The following PHF13 variants were observed in gnomAD, a reference collection of about 807,000 sequenced individuals.
PHF13 encodes PHD zinc finger protein PHF5.
A neutral mutation model predicts 25.8 loss-of-function variants in PHF13; 1 was observed. The ratio of observed to expected loss-of-function variants is 0.04; its 90% CI spans 0.01 to 0.18. The LOEUF (loss-of-function observed/expected upper bound fraction) is 0.18. PHF13 is among the 10% of genes least tolerant of loss of function. The probability of loss-of-function intolerance (pLI) is 1.00; values close to 1 mark genes in which losing one functional copy is unlikely to be tolerated. For synonymous variants in PHF13, 195 were observed against 162.4 expected (o/e 1.20, Z -1.53); for missense variants, 306 against 403.2 (o/e 0.76, Z 2.06).
chr1:6,620,444 A>G (rs1641321815), intron 3 of PHF13, 107 bp downstream of exon 3: 8 of 1,246,790 alleles, frequency 6.4e-6, no homozygotes, highest in African/African-American at 1.5e-5. Flanking sequence ...TGCCTTCCGT[A>G]GAGTGTGACA....
At chr1:6,616,488 A>C (rs1413738289) in intron 1 of PHF13, among the ~76,000 whole-genome samples, 1 of 152,264 alleles carries the variant, frequency 6.6e-6, no homozygotes, top group Non-Finnish European at 1.5e-5. Flanking sequence ...CCACATGAGC[A>C]CTAAGAAATA....
intron 2 of PHF13, among the ~76,000 whole-genome samples, chr1:6,617,085 G>C (rs1243056552): frequency 6.6e-6 from 1 of 152,222 alleles, no homozygotes; most frequent in Non-Finnish European, 1.5e-5. Context: ...ATGCAGGCTT[G>C]TCTAGAAAAT....
chr1:6,616,245 T>C (rs2148709335), intron 1 of PHF13, among the ~76,000 whole-genome samples: 1 of 151,896 alleles, frequency 6.6e-6, no homozygotes, highest in East Asian at 1.9e-4. Context: ...GTCAGGCTGG[T>C]CTCGAACTCC....
At chr1:6,620,860 A>C (rs1424120879) in intron 3 of PHF13, among the ~76,000 whole-genome samples, 1 of 151,100 alleles carries the variant, frequency 6.6e-6, no homozygotes, top group Non-Finnish European at 1.5e-5. Flanking sequence ...TCTACTAAAG[A>C]TACAAAAAAA....
intron 1 of PHF13, among the ~76,000 whole-genome samples, chr1:6,615,130 CG>C (rs955671449): frequency 4.5e-5 from 3 of 67,078 alleles, no homozygotes; most frequent in Admixed American, 1.5e-4. Context: ...AGGAGGCGGC[CG>C]GGGGGGCGGG....
rs1294552175 is a variant in PHF13, at chr1:6,619,928, C to T, written c.267C>T (p.Cys89=). ...SSVPLPVSDR[C]FSHLQPTLLQ... ...TGCCCTTGCCAGTCTCTGACCGCTG[C>T]TTTAGCCACCTGCAGCCTACTCTCT... Residue 89 remains cysteine, a synonymous_variant, in exon 3 of 4, where the codon TGC becomes TGT. Coordinates refer to ENST00000377648, the MANE Select transcript of PHF13 (RefSeq NM_153812.3). 5 of 1,613,880 alleles carry T rather than the reference C, an allele frequency of 3.1e-6. No individual in the cohort carries two copies. In the African/African-American group the frequency reaches 5.3e-5, roughly 17 times the overall value.
At chr1:6,616,100 G>A (rs569092537) in intron 1 of PHF13, among the ~76,000 whole-genome samples, 121 of 144,266 alleles carry the variant, frequency 8.4e-4, no homozygotes, top group Non-Finnish European at 1.7e-3. Context: ...CGCGATCTTG[G>A]CTCACTGTAA....
rs1221551274 is a variant in PHF13, at chr1:6,623,010, T to A, written c.*1373T>A. ...TTTCTAATTGATTGGTAGGTTTTCA[T>A]AAGCATTGTTTCTTTAAGGCATGGA... On this transcript the variant is annotated 3_prime_UTR_variant, in exon 4 of 4. Transcript: ENST00000377648. The A allele has an allele frequency of 3.3e-5, 5 of 152,276 alleles. No individual in the cohort carries two copies. Among genetic ancestry groups the A allele is most frequent in the Admixed American group, 1.3e-4 (2 of 15,288 alleles). 9.4% of individuals were successfully genotyped at this position (152,276 alleles called of 1,614,324 possible). A position where few individuals can be genotyped will look rare whatever the true frequency, so the allele number is the denominator to read the frequency against.
chr1:6,620,069 G>C lies in PHF13; in HGVS notation c.408G>C (p.Arg136Ser), dbSNP rs570764202. The change falls in exon 3 of 4, where the codon AGG becomes AGC. Residue 136 changes from arginine to serine, a missense_variant. Physicochemically the swap from Arg to Ser is moderately radical, Grantham distance 110. Around this residue, in one of 5 missense-constraint regions of PHF13, gnomAD observed 186 missense variants for 164.0 expected, o/e 1.13. Coordinates refer to ENST00000377648, the MANE Select transcript of PHF13 (RefSeq NM_153812.3). Reference sequence around the variant, plus strand: ...ATGCGCCTGGGAAAGAGGGGTACAGGGGGGGCTTGCTGAAGCTGGAAGCCG... The same window carrying C: ...ATGCGCCTGGGAAAGAGGGGTACAGCGGGGGCTTGCTGAAGCTGGAAGCCG... ...DSDAPGKEGY[R>S]GGLLKLEAAD... The C allele has an allele frequency of 1.6e-5, 26 of 1,613,482 alleles. No homozygotes were observed. The highest frequency in any genetic ancestry group is 8.9e-5 in the East Asian group (4 of 44,842).
chr1:6,620,591 C>T (rs1264965423), intron 3 of PHF13, among the ~76,000 whole-genome samples: 1 of 150,406 alleles, frequency 6.6e-6, no homozygotes, highest in Admixed American at 6.6e-5. Context: ...AGTAAGCATC[C>T]AGGTAAGCAT....
At chr1:6,615,171 A>G (rs1362013972) in intron 1 of PHF13, among the ~76,000 whole-genome samples, 1 of 149,896 alleles carries the variant, frequency 6.7e-6, no homozygotes. Context: ...GCGGCGTGGA[A>G]CCCCCAGTCC....
intron 1 of PHF13, among the ~76,000 whole-genome samples, chr1:6,614,937 C>A (rs1399904902): frequency 6.6e-6 from 1 of 150,920 alleles, no homozygotes; most frequent in East Asian, 2.0e-4. Context: ...CGGAGCCCGC[C>A]GGTCTCGCTG....
At chr1:6,615,035 G>A (rs2148708847) in intron 1 of PHF13, among the ~76,000 whole-genome samples, 1 of 151,098 alleles carries the variant, frequency 6.6e-6, no homozygotes, top group East Asian at 2.0e-4. Context: ...TCGCGGGATG[G>A]GCCCCGCACC....
chr1:6,619,139 TAAAAC>T lies in PHF13; in HGVS notation c.142-661_142-657del, dbSNP rs145725539. Among the ~76,000 whole-genome samples, 467 of 152,356 alleles carry T rather than the reference TAAAAC, an allele frequency of 3.1e-3. 2 individuals are homozygous for T. Among genetic ancestry groups the T allele is most frequent in the African/African-American group, 0.01 (426 of 41,580 alleles). Reference sequence around the variant, plus strand: ...TTCTCAAAACTAATTTAAATTCACTTAAAACAATATATCTCTTGGGAGGGCAAATG... The same window carrying T: ...TTCTCAAAACTAATTTAAATTCACTTAATATATCTCTTGGGAGGGCAAATG... On this transcript the variant is annotated intron_variant, in intron 2 of 3. Transcript: ENST00000377648.
rs1641388763 is a variant in PHF13, at chr1:6,623,857, C to T, written c.*2220C>T. 6.6e-6 allele frequency: 1 copy of T among 152,566 alleles called. No homozygotes were observed. The highest frequency in any genetic ancestry group is 6.6e-5 in the Admixed American group (1 of 15,262). 9.5% of individuals were successfully genotyped at this position (152,566 alleles called of 1,614,324 possible). A position where few individuals can be genotyped will look rare whatever the true frequency, so the allele number is the denominator to read the frequency against. On this transcript the variant is annotated 3_prime_UTR_variant, in exon 4 of 4. Transcript: ENST00000377648. ...GATGTCACCCCAAAAGTAGGCCCTC[C>T]CATTGGCTTTGGCCAGGCCAGACAC...
At chr1:6,615,905 C>T (rs1641254039) in intron 1 of PHF13, among the ~76,000 whole-genome samples, 1 of 151,854 alleles carries the variant, frequency 6.6e-6, no homozygotes, top group South Asian at 2.1e-4. Context: ...CTGGCTGGGA[C>T]AGTGGAGGGG....
Position 6,622,021 on chromosome 1 carries a change from C to T in PHF13, c.*384C>T, listed in dbSNP as rs79100873. On this transcript the variant is annotated 3_prime_UTR_variant, in exon 4 of 4. Transcript: ENST00000377648. ...TTCCACTGTGTTGGGGAGAGGTGTTCGGTTTCCCCAGCCTGTTAATGAACA... is the reference window on the plus strand; with the variant it reads ...TTCCACTGTGTTGGGGAGAGGTGTTTGGTTTCCCCAGCCTGTTAATGAACA... 1,717 of 302,992 alleles carry T rather than the reference C, an allele frequency of 5.7e-3. 31 individuals are homozygous for T. The highest frequency in any genetic ancestry group is 0.034 in the African/African-American group (1,583 of 46,942). The allele number at this position is 302,992 out of a possible 1,614,324, so 18.8% of individuals were successfully genotyped here.
intron 3 of PHF13, among the ~76,000 whole-genome samples, 156 bp downstream of exon 3, chr1:6,620,493 G>A (rs1641322308): frequency 6.6e-6 from 1 of 152,202 alleles, no homozygotes; most frequent in South Asian, 2.1e-4. Flanking sequence ...GCAGGAATGT[G>A]GATATCGAGA....
At chr1:6,614,576 C>G (rs1221681852) in intron 1 of PHF13, 1 of 153,694 alleles carries the variant, frequency 6.5e-6, no homozygotes, top group East Asian at 2.0e-4. Flanking sequence ...TCCCCCGATC[C>G]CCCGGGCCCG....
Sources: gnomAD v4.1 joint callset for allele counts (sites outside exome capture counted in the v4.1 genomes callset) on GRCh38, gnomAD v4.1.1 for gene constraint, gnomAD v4.1.1 regional missense constraint, MANE v1.5 for transcripts, NCBI Gene and HGNC (gene_info 2026-07-23, HGNC 2026-07-21) for gene names.